Variants in IL1RAPL2 observed in about 807,000 individuals in gnomAD.
IL1RAPL2 encodes the protein X-linked interleukin-1 receptor accessory protein-like 2.
Under a neutral mutation model 44.1 loss-of-function variants are expected in IL1RAPL2, and 3 were observed. The ratio of observed to expected loss-of-function variants is 0.07; its 90% confidence interval spans 0.03 to 0.18. The LOEUF is 0.18. IL1RAPL2 is among the 10% of genes least tolerant of loss of function. The pLI, the probability that IL1RAPL2 is intolerant of heterozygous loss-of-function variation, is 1.00. For missense variants in IL1RAPL2, 391 were observed against 496.4 expected, an observed-to-expected ratio of 0.79 and a Z score of 2.02; for synonymous variants, 181 against 178.8, an observed-to-expected ratio of 1.01 and a Z score of -0.10.
At chrX:104,567,836 C>T (rs1248296130) in intron 1 of IL1RAPL2, among the ~76,000 whole-genome samples, 1 of 112,285 alleles carries the variant, frequency 8.9e-6, no homozygotes, top group African/African-American at 3.2e-5. Context: ...GATCTGTCAC[C>T]ATCAGACGTT....
chrX:105,524,977 A>G (rs780729078), intron 6 of IL1RAPL2, among the ~76,000 whole-genome samples: 2 of 111,724 alleles, frequency 1.8e-5, no homozygotes, highest in East Asian at 5.6e-4. Flanking sequence ...CTGTAATAGT[A>G]TCATGAGTTT....
chrX:105,222,304 C>G (rs530451644), intron 3 of IL1RAPL2, among the ~76,000 whole-genome samples: 1 of 112,327 alleles, frequency 8.9e-6, no homozygotes, highest in Non-Finnish European at 1.9e-5. Flanking sequence ...GACAATATTT[C>G]TTCTCTAAGG....
intron 2 of IL1RAPL2, among the ~76,000 whole-genome samples, chrX:104,797,201 C>CG (rs1932856212): frequency 2.1e-5 from 1 of 46,950 alleles, no homozygotes; most frequent in South Asian, 2.3e-3. Flanking sequence ...CCCCCCCCCC[C>CG]GCAAAGTAAT....
intron 2 of IL1RAPL2, among the ~76,000 whole-genome samples, chrX:104,989,129 C>T (rs917120014): frequency 9.0e-6 from 1 of 111,641 alleles, no homozygotes; most frequent in Non-Finnish European, 1.9e-5. Flanking sequence ...TTTGCTCTTT[C>T]GCTCATTCCT....
intron 6 of IL1RAPL2, among the ~76,000 whole-genome samples, chrX:105,693,248 T>C (rs954957270): frequency 8.9e-6 from 1 of 111,869 alleles, no homozygotes; most frequent in African/African-American, 3.3e-5. Context: ...ATGATTTAGA[T>C]TTTTGTCCCC....
chrX:104,975,772 T>G (rs2030321464), intron 2 of IL1RAPL2, among the ~76,000 whole-genome samples: 1 of 111,988 alleles, frequency 8.9e-6, no homozygotes, highest in Non-Finnish European at 1.9e-5. Context: ...GTTGGGCTTA[T>G]TTTCCTGGGC....
chrX:104,886,007 C>T (rs938722893), intron 2 of IL1RAPL2, among the ~76,000 whole-genome samples: 6 of 112,552 alleles, frequency 5.3e-5, no homozygotes, highest in African/African-American at 1.9e-4. Flanking sequence ...TATGTTTAAC[C>T]ATTGAGGGCC....
intron 5 of IL1RAPL2, among the ~76,000 whole-genome samples, chrX:105,444,295 C>T (rs933410263): frequency 9.0e-6 from 1 of 111,400 alleles, no homozygotes; most frequent in Non-Finnish European, 1.9e-5. Context: ...TGTGGATTGT[C>T]TTTTCACCTT....
intron 6 of IL1RAPL2, among the ~76,000 whole-genome samples, chrX:105,674,430 T>C (rs1301736296): frequency 8.9e-6 from 1 of 112,281 alleles, no homozygotes; most frequent in Non-Finnish European, 1.9e-5. Context: ...TGAGGGATTA[T>C]TTCCCCATTG....
At chrX:104,738,101 C>G (rs1932046572) in intron 2 of IL1RAPL2, among the ~76,000 whole-genome samples, 1 of 112,179 alleles carries the variant, frequency 8.9e-6, no homozygotes, top group South Asian at 3.7e-4. Flanking sequence ...ATATATTTAT[C>G]TAATGCTTCC....
chrX:105,672,294 G>A (rs1006807806), intron 6 of IL1RAPL2, among the ~76,000 whole-genome samples: 4 of 111,747 alleles, frequency 3.6e-5, no homozygotes, highest in African/African-American at 1.3e-4. Flanking sequence ...CTCTAATACT[G>A]CTCCATCAGG....
At chrX:105,531,765 T>C (rs1457041400) in intron 6 of IL1RAPL2, among the ~76,000 whole-genome samples, 1 of 112,042 alleles carries the variant, frequency 8.9e-6, no homozygotes, top group Non-Finnish European at 1.9e-5. Flanking sequence ...AATTTCATTC[T>C]CCTACATATG....
chrX:105,295,931 C>A (rs980050160), intron 5 of IL1RAPL2, among the ~76,000 whole-genome samples: 5 of 111,387 alleles, frequency 4.5e-5, no homozygotes, highest in Non-Finnish European at 9.4e-5. Flanking sequence ...CCAAAGTGAT[C>A]TGTTTACCTT....
At chrX:104,848,411 A>ATG (rs1196900832) in intron 2 of IL1RAPL2, among the ~76,000 whole-genome samples, 10 of 3,194 alleles carry the variant, frequency 3.1e-3, no homozygotes, top group African/African-American at 7.1e-3. Flanking sequence ...TTTTATCTGT[A>ATG]TATATATATA....
chrX:105,079,520 G>C (rs1285955815), intron 2 of IL1RAPL2, among the ~76,000 whole-genome samples: 1 of 109,572 alleles, frequency 9.1e-6, no homozygotes. Context: ...TCCCTACAAA[G>C]GACATGAACT....
chrX:104,999,382 A>G (rs1240138106), intron 2 of IL1RAPL2, among the ~76,000 whole-genome samples: 1 of 111,146 alleles, frequency 9.0e-6, no homozygotes, highest in Admixed American at 9.6e-5. Flanking sequence ...AATATTTTTT[A>G]AAAGTGCAGA....
chrX:105,269,299 C>A (rs1018387675), intron 5 of IL1RAPL2, among the ~76,000 whole-genome samples: 5 of 110,129 alleles, frequency 4.5e-5, no homozygotes, highest in African/African-American at 1.3e-4. Flanking sequence ...TTGCTACAAC[C>A]CATATATTTA....
chrX:105,521,612 A>T (rs1363687903), intron 6 of IL1RAPL2, among the ~76,000 whole-genome samples: 2 of 109,573 alleles, frequency 1.8e-5, no homozygotes, highest in Admixed American at 1.9e-4. Flanking sequence ...GGTGAGAGGT[A>T]ATTGAATCAT....
At chrX:104,894,979 T>C (rs1255437228) in intron 2 of IL1RAPL2, among the ~76,000 whole-genome samples, 1 of 112,732 alleles carries the variant, frequency 8.9e-6, no homozygotes, top group Non-Finnish European at 1.9e-5. Flanking sequence ...GGATGTCCTT[T>C]CTGTTTGTTA....
Sources: gnomAD v4.1 joint callset for allele counts (sites outside exome capture counted in the v4.1 genomes callset) on GRCh38, gnomAD v4.1.1 for gene constraint, MANE v1.5 for transcripts, NCBI Gene and HGNC (gene_info 2026-07-23, HGNC 2026-07-21) for gene names.